The following DRD2 variants were observed in gnomAD, a reference collection of about 807,000 sequenced individuals.
DRD2 encodes dopamine receptor D2.
DRD2 carries 8 observed loss-of-function variants against 38.0 expected under a neutral mutation model. The observed-to-expected ratio is 0.21, with a 90% CI of 0.12 to 0.38. The LOEUF is 0.38. DRD2 is among the 10% of genes least tolerant of loss of function. The pLI, the probability that DRD2 is intolerant of heterozygous loss-of-function variation, is 1.00. For synonymous variants in DRD2, 230 were observed against 238.6 expected, an observed-to-expected ratio of 0.96 and a Z score of 0.33; for missense variants, 403 against 607.7, an observed-to-expected ratio of 0.66 and a Z score of 3.54.
chr11:113,460,484 C>T (rs1254870132), intron 1 of DRD2, among the ~76,000 whole-genome samples: 1 of 152,234 alleles, frequency 6.6e-6, no homozygotes, highest in African/African-American at 2.4e-5. Flanking sequence ...TCAGAGGCTC[C>T]ACCTGTTGCT....
intron 1 of DRD2, among the ~76,000 whole-genome samples, chr11:113,443,029 C>A (rs750547342): frequency 6.6e-6 from 1 of 152,182 alleles, no homozygotes; most frequent in Non-Finnish European, 1.5e-5. Context: ...GTCCCCTTCA[C>A]GACCAATGCT....
chr11:113,426,439 A>C (rs1409533473), intron 1 of DRD2, among the ~76,000 whole-genome samples: 1 of 152,220 alleles, frequency 6.6e-6, no homozygotes. Context: ...ACAGAATAGA[A>C]TTAAACTTAT....
chr11:113,461,077 G>C (rs1179671667), intron 1 of DRD2, among the ~76,000 whole-genome samples: 1 of 152,228 alleles, frequency 6.6e-6, no homozygotes, highest in Non-Finnish European at 1.5e-5. Flanking sequence ...AAGAGGGCAG[G>C]CTCTGAAGGC....
intron 1 of DRD2, among the ~76,000 whole-genome samples, chr11:113,442,208 C>T (rs956373171): frequency 2.6e-5 from 4 of 152,202 alleles, no homozygotes; most frequent in Admixed American, 6.5e-5. Flanking sequence ...TCCCTCCAGT[C>T]ATTATGTCCA....
At chr11:113,463,577 A>C (rs1404626243) in intron 1 of DRD2, among the ~76,000 whole-genome samples, 1 of 152,082 alleles carries the variant, frequency 6.6e-6, no homozygotes, top group Admixed American at 6.5e-5. Flanking sequence ...CTGCCTTAAT[A>C]ATGTGGAGGA....
At chr11:113,437,936 C>T (rs1480510935) in intron 1 of DRD2, among the ~76,000 whole-genome samples, 1 of 152,186 alleles carries the variant, frequency 6.6e-6, no homozygotes, top group East Asian at 1.9e-4. Flanking sequence ...GAGGCAGTCT[C>T]CTCATCCCGA....
intron 1 of DRD2, among the ~76,000 whole-genome samples, chr11:113,435,473 G>A (rs1365016256): frequency 1.3e-5 from 2 of 152,118 alleles, no homozygotes; most frequent in East Asian, 1.9e-4. Context: ...GGCAGCTCAC[G>A]TGCACTGCAG....
At chr11:113,434,809 A>G (rs1951020914) in intron 1 of DRD2, among the ~76,000 whole-genome samples, 1 of 152,188 alleles carries the variant, frequency 6.6e-6, no homozygotes, top group Non-Finnish European at 1.5e-5. Flanking sequence ...AGAGACTACC[A>G]AGCATCCACA....
chr11:113,466,288 T>C (rs1246263323), intron 1 of DRD2, among the ~76,000 whole-genome samples: 1 of 152,222 alleles, frequency 6.6e-6, no homozygotes, highest in Admixed American at 6.5e-5. Flanking sequence ...CCTTTTAAAG[T>C]AAGGACTAGT....
chr11:113,415,807 T>C (rs1285094269), intron 4 of DRD2, among the ~76,000 whole-genome samples, 196 bp from the exon 5 acceptor site: 1 of 152,164 alleles, frequency 6.6e-6, no homozygotes, highest in Admixed American at 6.5e-5. Context: ...AAAAACACGG[T>C]TGTGAGCAAA....
At chr11:113,460,356 C>T (rs544310272) in intron 1 of DRD2, among the ~76,000 whole-genome samples, 6 of 152,246 alleles carry the variant, frequency 3.9e-5, no homozygotes, top group Non-Finnish European at 5.9e-5. Flanking sequence ...CGTGGGGATA[C>T]TCAGGTGGGC....
intron 1 of DRD2, among the ~76,000 whole-genome samples, chr11:113,432,868 G>A (rs7118161): frequency 0.016 from 2,471 of 152,286 alleles, 74 homozygotes; most frequent in African/African-American, 0.057. Flanking sequence ...TGGTGCGCCC[G>A]TTCCTTCCCA....
intron 1 of DRD2, among the ~76,000 whole-genome samples, chr11:113,448,914 G>A (rs1951182853): frequency 6.6e-6 from 1 of 152,126 alleles, no homozygotes. Context: ...CCTACCTTTA[G>A]CCTGCCTTCC....
intron 6 of DRD2, chr11:113,413,213 G>A (rs1031098693): frequency 6.4e-6 from 4 of 624,976 alleles, no homozygotes; most frequent in Non-Finnish European, 1.2e-5. Flanking sequence ...AGTGGCTGCT[G>A]GGGTCAAGAG....
intron 1 of DRD2, among the ~76,000 whole-genome samples, chr11:113,445,189 C>T (rs1951133427): frequency 2.0e-5 from 3 of 152,212 alleles, no homozygotes; most frequent in African/African-American, 4.8e-5. Context: ...TCAGATGTGA[C>T]AACCAAACCA....
intron 2 of DRD2, among the ~76,000 whole-genome samples, chr11:113,422,250 T>C (rs757815577): frequency 7.2e-5 from 11 of 152,238 alleles, no homozygotes; most frequent in Non-Finnish European, 1.6e-4. Context: ...TGGATGTCTA[T>C]TGTCATCTTC....
chr11:113,462,440 T>C (rs143644687), intron 1 of DRD2, among the ~76,000 whole-genome samples: 51 of 152,218 alleles, frequency 3.4e-4, no homozygotes, highest in African/African-American at 1.2e-3. Context: ...TGTACCCTTA[T>C]AAGAAGCAGA....
chr11:113,437,955 T>TG (rs1951054239), intron 1 of DRD2, among the ~76,000 whole-genome samples: 1 of 152,012 alleles, frequency 6.6e-6, no homozygotes, highest in African/African-American at 2.4e-5. Flanking sequence ...GACAACAGAC[T>TG]GGGGGGTGCA....
At chr11:113,433,207 C>T (rs4938017) in intron 1 of DRD2, among the ~76,000 whole-genome samples, 80,079 of 152,096 alleles carry the variant, frequency 0.53, 22,857 homozygotes, top group East Asian at 0.94. Context: ...TCACTGGGAA[C>T]GGTTTTTCCT....
Sources: allele counts gnomAD v4.1 joint callset (sites outside exome capture counted in the v4.1 genomes callset), GRCh38; gene constraint gnomAD v4.1.1; transcripts MANE v1.5; gene names NCBI Gene and HGNC (gene_info 2026-07-23, HGNC 2026-07-21).